Variants in MUS81 observed in about 807,000 individuals in gnomAD.
The protein encoded by MUS81 is structure-specific endonuclease subunit MUS81.
MUS81 carries 69 observed loss-of-function variants against 74.2 expected under a neutral mutation model. That is an observed-to-expected ratio of 0.93 (90% confidence interval 0.77 to 1.14). The LOEUF is 1.14. Ranked by LOEUF, MUS81 falls within the 50% of genes most tolerant of loss-of-function variation. MUS81 has a pLI of 0.00. For synonymous variants in MUS81, 303 were observed against 300.6 expected (o/e 1.01, Z -0.08); for missense variants, 711 against 726.5 (o/e 0.98, Z 0.25).
chr11:65,863,635 A>G lies in MUS81; in HGVS notation c.875A>G (p.Gln292Arg), dbSNP rs146653927. 2.9e-5 allele frequency: 47 copies of G among 1,613,900 alleles called. No individual in the cohort carries two copies. The highest frequency in any genetic ancestry group is 4.0e-5 in the Non-Finnish European group (47 of 1,179,988). Residue 292 changes from glutamine to arginine, a missense_variant, in exon 9 of 16, where the codon CAG becomes CGG. Coordinates refer to ENST00000308110, the MANE Select transcript of MUS81 (RefSeq NM_025128.5). ...AGGCCGGAGCTGCTCCGAGAGCTAC[A>G]GCGGCTGCACGTGACCCACACGGTG... Reference protein sequence around the residue: ...GHRPELLRELQRLHVTHTVRK... With the variant: ...GHRPELLRELRRLHVTHTVRK...
In MUS81 at chr11:65,860,760, G is replaced by GC. The variant is rs765067412; in HGVS notation, c.11dup (p.Val5GlyfsTer60). The GC allele has an allele frequency of 3.9e-6, 6 of 1,534,078 alleles. No individual in the cohort carries two copies. In the South Asian group the frequency reaches 7.2e-5, roughly 18 times the overall value. On this transcript the variant is annotated frameshift_variant, in exon 1 of 16. Transcript: ENST00000308110. LOFTEE classifies it high-confidence loss of function. Reference sequence around the variant, plus strand: ...AGGACCCGCCCTCGGGCTCATGGCGGCCCCGGTCCGCCTGGGCCGGAAGCG... The same window carrying GC: ...AGGACCCGCCCTCGGGCTCATGGCGGCCCCCGGTCCGCCTGGGCCGGAAGCG...
chr11:65,861,634 T>C, intron 3 of MUS81, 199 bp downstream of exon 3: 1 of 609,362 alleles, frequency 1.6e-6, no homozygotes, highest in Non-Finnish European at 2.9e-6. Context: ...AATTCCATGA[T>C]CAAGCTACTT....
chr11:65,867,135 C>G, downstream of MUS81: 1 of 1,606,368 alleles, frequency 6.2e-7, no homozygotes, highest in Non-Finnish European at 8.5e-7. Flanking sequence ...GTGCTAGGCC[C>G]CTGCCCCAGC....
chr11:65,866,120 A>C lies in MUS81; in HGVS notation c.*68A>C. ...ACCCAGGCTAGCCAGCCTTTTAACA[A>C]CATCTTTTGGGGTACAATTAGAATC... On this transcript the variant is annotated 3_prime_UTR_variant, in exon 16 of 16. Transcript: ENST00000308110. 2.1e-6 allele frequency: 3 copies of C among 1,445,678 alleles called. No individual in the cohort carries two copies. Among genetic ancestry groups the C allele is most frequent in the Non-Finnish European group, 1.9e-6 (2 of 1,049,644 alleles). The allele number at this position is 1,445,678 out of a possible 1,614,324, so 89.6% of individuals were successfully genotyped here.
chr11:65,866,210 C>G lies in MUS81; in HGVS notation c.*158C>G. The G allele has an allele frequency of 1.5e-6, 1 of 688,774 alleles. No individual in the cohort carries two copies. Among genetic ancestry groups the G allele is most frequent in the South Asian group, 1.9e-5 (1 of 52,004 alleles). 42.7% of individuals were successfully genotyped at this position (688,774 alleles called of 1,614,324 possible). A position where few individuals can be genotyped will look rare whatever the true frequency, so the allele number is the denominator to read the frequency against. Reference sequence around the variant, plus strand: ...AGCCCTGGGGACCTTGTGAAATACGCAGGAACCAGGGATACCATCTGGTCC... The same window carrying G: ...AGCCCTGGGGACCTTGTGAAATACGGAGGAACCAGGGATACCATCTGGTCC... On this transcript the variant is annotated 3_prime_UTR_variant, in exon 16 of 16. Coordinates refer to ENST00000308110, the MANE Select transcript of MUS81 (RefSeq NM_025128.5).
Position 65,866,343 on chromosome 11 carries a change from C to T in MUS81, c.*291C>T. 3.3e-6 allele frequency: 2 copies of T among 604,898 alleles called. No homozygotes were observed. The highest frequency in any genetic ancestry group is 5.8e-6 in the Non-Finnish European group (2 of 343,538). The allele number at this position is 604,898 out of a possible 1,614,324, so 37.5% of individuals were successfully genotyped here. On this transcript the variant is annotated 3_prime_UTR_variant, in exon 16 of 16. Transcript: ENST00000308110. The stretch of plus-strand genomic sequence containing the variant: ...CTATTTTATGTCACCAGTTGGTCCT[C>T]ATCAAATAAAATTTCCTTAGGAGTG...
chr11:65,867,480 C>T (rs975738231), downstream of MUS81: 2 of 426,796 alleles, frequency 4.7e-6, no homozygotes, highest in East Asian at 5.0e-5. Flanking sequence ...CCCATGCATG[C>T]GGCTGCCAGT....
downstream of MUS81, chr11:65,867,497 G>T: frequency 2.3e-6 from 1 of 434,960 alleles, no homozygotes; most frequent in Non-Finnish European, 4.3e-6. Context: ...CAGTCACTGT[G>T]AGCAGCTCAC....
chr11:65,864,403 G>C, intron 10 of MUS81, 94 bp from the exon 11 acceptor site: 1 of 1,148,260 alleles, frequency 8.7e-7, no homozygotes, highest in South Asian at 1.3e-5. Flanking sequence ...GGTGGGAACA[G>C]GGTCCCGGCA....
At position 65,865,103 on chromosome 11, in the gene MUS81, C is replaced by T. The variant is rs1481129601; in HGVS notation, c.1359C>T (p.Leu453=). The T allele has an allele frequency of 6.2e-7, 1 of 1,614,232 alleles. No individual in the cohort carries two copies. The highest frequency in any genetic ancestry group is 8.5e-7 in the Non-Finnish European group (1 of 1,180,042). Reference sequence around the variant, plus strand: ...CCTCTCCAAACCCTCTCTGCTCACTCCTCACCTTCAGTGACTTCAACGCAG... The same window carrying T: ...CCTCTCCAAACCCTCTCTGCTCACTTCTCACCTTCAGTGACTTCAACGCAG... ...AMTSPNPLCS[L]LTFSDFNAGA... Residue 453 remains leucine (L), a synonymous_variant, in exon 13 of 16, where the codon CTC becomes CTT. Coordinates refer to ENST00000308110, the MANE Select transcript of MUS81 (RefSeq NM_025128.5).
At chr11:65,866,939 A>C (rs1591064625), downstream of MUS81, 1 of 1,614,142 alleles carries the variant, frequency 6.2e-7, no homozygotes, top group Non-Finnish European at 8.5e-7. Context: ...AGGCCCCTAC[A>C]AAGACGGTGA....
At chr11:65,867,510 T>G, downstream of MUS81, 1 of 438,622 alleles carries the variant, frequency 2.3e-6, no homozygotes, top group Non-Finnish European at 4.2e-6. Context: ...CAGCTCACTG[T>G]GAGCCGCCCC....
chr11:65,862,668 ATACCTG>A, intron 6 of MUS81, 139 bp downstream of exon 6: 1 of 818,436 alleles, frequency 1.2e-6, no homozygotes, highest in Non-Finnish European at 2.0e-6. Context: ...CACTGTTGGA[ATACCTG>A]GAGGGTGTGA....
At chr11:65,862,320 G>A in intron 5 of MUS81, 41 bp downstream of exon 5, 1 of 1,607,044 alleles carries the variant, frequency 6.2e-7, no homozygotes. Context: ...AAGTGGCTCT[G>A]GGGCCCACCA....
At position 65,861,564 on chromosome 11, in the gene MUS81, C is replaced by T. The variant is rs79201182; in HGVS notation, c.351+129C>T. 6.3e-4 allele frequency: 446 copies of T among 707,710 alleles called. 4 individuals are homozygous for T. The East Asian group carries it at 0.012, about 19-fold the overall frequency. 43.8% of individuals were successfully genotyped at this position (707,710 alleles called of 1,614,324 possible). On this transcript the variant is annotated intron_variant, in intron 3 of 15. Coordinates refer to ENST00000308110, the MANE Select transcript of MUS81 (RefSeq NM_025128.5). ...GCCTGGCCTTGAGCAAATGACTTAT[C>T]CTCTTTTCGACTTAGTATTTTAACC...
At chr11:65,865,421 G>A (rs1040227459) in intron 14 of MUS81, 98 bp downstream of exon 14, 1 of 1,234,772 alleles carries the variant, frequency 8.1e-7, no homozygotes, top group Non-Finnish European at 1.1e-6. Context: ...GGCCTTGTGT[G>A]GGCTCTGCAG....
rs1859836215 is a variant in MUS81, at chr11:65,866,354, A to G, written c.*302A>G. On this transcript the variant is annotated 3_prime_UTR_variant, in exon 16 of 16. Transcript: ENST00000308110. The stretch of plus-strand genomic sequence containing the variant: ...CACCAGTTGGTCCTCATCAAATAAA[A>G]TTTCCTTAGGAGTGCAGAGGGCTCA... 12 of 607,816 alleles carry G rather than the reference A, an allele frequency of 2.0e-5. No homozygotes were observed. Among genetic ancestry groups the G allele is most frequent in the Non-Finnish European group, 3.5e-5 (12 of 345,200 alleles). The allele number at this position is 607,816 out of a possible 1,614,324, so 37.7% of individuals were successfully genotyped here. A position where few individuals can be genotyped will look rare whatever the true frequency, so the allele number is the denominator to read the frequency against.
chr11:65,866,905 T>C, downstream of MUS81: 1 of 1,613,798 alleles, frequency 6.2e-7, no homozygotes, highest in Middle Eastern at 1.6e-4. Context: ...GGAGGGTGGC[T>C]CCCTCCTGCT....
intron 8 of MUS81, 46 bp downstream of exon 8, chr11:65,863,548 G>A (rs1242043517): frequency 6.2e-7 from 1 of 1,613,994 alleles, no homozygotes; most frequent in South Asian, 1.1e-5. Flanking sequence ...GAGGAGGCTG[G>A]GGGGTAGGCA....
Sources: allele counts gnomAD v4.1 joint callset, GRCh38; gene constraint gnomAD v4.1.1; transcripts MANE v1.5; gene names NCBI Gene and HGNC (gene_info 2026-07-23, HGNC 2026-07-21).